MNAT1: variants seen among roughly 807,000 people sequenced by gnomAD.
MNAT1 encodes the protein CDK-activating kinase assembly factor MAT1.
In MNAT1, 43 loss-of-function variants were observed where a neutral mutation model predicts 42.0. That is an observed-to-expected ratio of 1.02 (90% CI 0.80 to 1.32). MNAT1 has a LOEUF of 1.32. MNAT1 is among the 40% of genes most tolerant of loss of function. The probability of loss-of-function intolerance (pLI) is 0.00; values close to 1 mark genes in which losing one functional copy is unlikely to be tolerated. For synonymous variants in MNAT1, 118 were observed against 120.0 expected (o/e 0.98, Z 0.11); for missense variants, 306 against 350.4 (o/e 0.87, Z 1.01).
intron 1 of MNAT1, among the ~76,000 whole-genome samples, chr14:60,780,878 T>C (rs1407576138): frequency 6.6e-6 from 1 of 152,210 alleles, no homozygotes; most frequent in East Asian, 1.9e-4. Context: ...ATAGTAACTG[T>C]AGATGGAAAA....
intron 7 of MNAT1, among the ~76,000 whole-genome samples, chr14:60,897,493 T>C (rs1334643113): frequency 1.3e-5 from 2 of 152,284 alleles, no homozygotes; most frequent in East Asian, 3.9e-4. Flanking sequence ...TATGACATGT[T>C]GTGACATTTT....
intron 7 of MNAT1, among the ~76,000 whole-genome samples, chr14:60,920,456 G>A (rs538954472): frequency 1.8e-4 from 27 of 151,812 alleles, no homozygotes; most frequent in Admixed American, 9.8e-4. Flanking sequence ...GTCTCGCTCC[G>A]TCGCCCAGGC....
chr14:60,813,382 G>A (rs981864936), intron 5 of MNAT1, among the ~76,000 whole-genome samples: 4 of 152,166 alleles, frequency 2.6e-5, no homozygotes, highest in Non-Finnish European at 1.5e-5. Flanking sequence ...AGTCCTTACC[G>A]TGAATCTAGT....
chr14:60,957,720 A>G (rs1418383746), intron 7 of MNAT1, among the ~76,000 whole-genome samples: 1 of 152,196 alleles, frequency 6.6e-6, no homozygotes, highest in Non-Finnish European at 1.5e-5. Flanking sequence ...CTTTTCTGGA[A>G]ATGCTTTTGT....
At chr14:60,929,006 G>T (rs1047756376) in intron 7 of MNAT1, among the ~76,000 whole-genome samples, 1 of 150,774 alleles carries the variant, frequency 6.6e-6, no homozygotes, top group African/African-American at 2.4e-5. Flanking sequence ...AAATTAGCCA[G>T]TGTGGTCGCA....
rs546485139 is a variant in MNAT1, at chr14:60,959,779, C to CT, written c.810-8448dup. ...AGAAAACGAAGGCTGGGTTTTCCTA[C>CT]TTAGCCATCTTTCTGACATCATTCC... On this transcript the variant is annotated intron_variant, in intron 7 of 7. Coordinates refer to ENST00000261245, the MANE Select transcript of MNAT1 (RefSeq NM_002431.4). 1.9e-3 allele frequency among the ~76,000 whole-genome samples: 294 copies of CT among 152,294 alleles called. 1 individual carries two copies. The highest frequency in any genetic ancestry group is 6.4e-3 in the African/African-American group (268 of 41,568).
chr14:60,844,540 C>T (rs1435843240), intron 6 of MNAT1, among the ~76,000 whole-genome samples: 1 of 151,996 alleles, frequency 6.6e-6, no homozygotes, highest in Non-Finnish European at 1.5e-5. Context: ...TATATTTTTA[C>T]ATTGGGCTTG....
At chr14:60,763,476 T>C (rs1246367892) in intron 1 of MNAT1, among the ~76,000 whole-genome samples, 2 of 152,182 alleles carry the variant, frequency 1.3e-5, no homozygotes, top group Non-Finnish European at 2.9e-5. Flanking sequence ...TACAGAGTGA[T>C]TAAGTGACTT....
intron 7 of MNAT1, among the ~76,000 whole-genome samples, chr14:60,908,653 C>T (rs1054134157): frequency 5.8e-4 from 88 of 152,308 alleles, no homozygotes; most frequent in African/African-American, 1.9e-3. Context: ...GACACGAACT[C>T]ATCACTTTTT....
At chr14:60,802,652 T>C (rs1339271936) in intron 3 of MNAT1, among the ~76,000 whole-genome samples, 1 of 152,160 alleles carries the variant, frequency 6.6e-6, no homozygotes, top group Non-Finnish European at 1.5e-5. Flanking sequence ...ATTTTAGACA[T>C]AGAATATTCA....
At chr14:60,797,027 C>A (rs2032041486) in intron 2 of MNAT1, among the ~76,000 whole-genome samples, 1 of 151,796 alleles carries the variant, frequency 6.6e-6, no homozygotes, top group Admixed American at 6.6e-5. Context: ...TATTATTAAT[C>A]TGTCTTTTTC....
At chr14:60,791,292 T>A (rs898770806) in intron 1 of MNAT1, among the ~76,000 whole-genome samples, 1 of 152,214 alleles carries the variant, frequency 6.6e-6, no homozygotes. Flanking sequence ...CATGCTTTTT[T>A]AAATTTTGAG....
intron 7 of MNAT1, among the ~76,000 whole-genome samples, chr14:60,922,015 T>G (rs1460477041): frequency 6.6e-6 from 1 of 152,176 alleles, no homozygotes; most frequent in Non-Finnish European, 1.5e-5. Flanking sequence ...TGAAATAATT[T>G]TTGAATAATT....
chr14:60,836,820 C>T (rs1018955320), intron 6 of MNAT1, among the ~76,000 whole-genome samples: 2 of 152,202 alleles, frequency 1.3e-5, no homozygotes, highest in Admixed American at 1.3e-4. Flanking sequence ...ACGTTTATGT[C>T]TGCTGAAGCT....
At chr14:60,845,879 T>C (rs868819628) in intron 6 of MNAT1, among the ~76,000 whole-genome samples, 2 of 152,222 alleles carry the variant, frequency 1.3e-5, no homozygotes, top group African/African-American at 4.8e-5. Context: ...GAGGATAATA[T>C]TGACCCCATA....
At chr14:60,906,572 G>C (rs2351537) in intron 7 of MNAT1, among the ~76,000 whole-genome samples, 138,546 of 152,194 alleles carry the variant, frequency 0.91, 63,853 homozygotes, top group Non-Finnish European at 0.99. Context: ...TTGATGGATT[G>C]GTTAAGGGGG....
At chr14:60,888,010 A>G (rs1266211234) in intron 7 of MNAT1, among the ~76,000 whole-genome samples, 1 of 145,314 alleles carries the variant, frequency 6.9e-6, no homozygotes, top group African/African-American at 2.6e-5. Context: ...GCTGAATTCT[A>G]CCAGAGGTAC....
chr14:60,773,717 C>G (rs1309197424), intron 1 of MNAT1, among the ~76,000 whole-genome samples: 2 of 152,238 alleles, frequency 1.3e-5, no homozygotes, highest in African/African-American at 4.8e-5. Flanking sequence ...CCACTTGTCT[C>G]TTATGTTTGA....
At chr14:60,941,458 G>C (rs1486328076) in intron 7 of MNAT1, among the ~76,000 whole-genome samples, 3 of 152,122 alleles carry the variant, frequency 2.0e-5, no homozygotes, top group Non-Finnish European at 4.4e-5. Context: ...TCAGCCTTTT[G>C]GGAGACCAAG....
Sources: gnomAD v4.1 joint callset for allele counts (sites outside exome capture counted in the v4.1 genomes callset) on GRCh38, gnomAD v4.1.1 for gene constraint, MANE v1.5 for transcripts, NCBI Gene and HGNC (gene_info 2026-07-23, HGNC 2026-07-21) for gene names.